Variants in NAV3 observed in about 807,000 individuals in gnomAD.
NAV3 encodes neuron navigator 3.
NAV3 carries 87 observed loss-of-function variants against 244.7 expected under a neutral mutation model. The observed-to-expected ratio is 0.36, with a 90% confidence interval of 0.30 to 0.42. The LOEUF (loss-of-function observed/expected upper bound fraction) is 0.42, where lower values mean the gene tolerates loss of function less well. Among genes scored for constraint, NAV3 ranks in the 20% least tolerant of loss-of-function variants. The probability of loss-of-function intolerance (pLI) is 1.00; values close to 1 mark genes in which losing one functional copy is unlikely to be tolerated. For synonymous variants in NAV3, 1,126 were observed against 1,042.2 expected, an observed-to-expected ratio of 1.08 and a Z score of -1.55; for missense variants, 2,663 against 2,893.3, an observed-to-expected ratio of 0.92 and a Z score of 1.83.
At position 78,211,233 on chromosome 12, in the gene NAV3, T is replaced by G. The variant is rs1279160742; in HGVS notation, c.*716T>G. ...CACCTGCCCACTCCCTTAACAAGAGTTTTATACCAATTATTAGTCAACACT... is the reference window on the plus strand; with the variant it reads ...CACCTGCCCACTCCCTTAACAAGAGGTTTATACCAATTATTAGTCAACACT... On this transcript the variant is annotated 3_prime_UTR_variant, in exon 40 of 40. Coordinates refer to ENST00000397909, the MANE Select transcript of NAV3 (RefSeq NM_001024383.2). The G allele has an allele frequency of 6.6e-6, 1 of 152,560 alleles. No homozygotes were observed. The highest frequency in any genetic ancestry group is 1.5e-5 in the Non-Finnish European group (1 of 68,030). 9.5% of individuals were successfully genotyped at this position (152,560 alleles called of 1,614,324 possible).
chr12:77,666,866 T>C (rs1873738710), intron 2 of NAV3, among the ~76,000 whole-genome samples: 1 of 152,284 alleles, frequency 6.6e-6, no homozygotes, highest in South Asian at 2.1e-4. Flanking sequence ...TGGAAGTAGA[T>C]TTTATGGATG....
intron 2 of NAV3, among the ~76,000 whole-genome samples, chr12:77,653,633 T>C (rs1872930468): frequency 6.6e-6 from 1 of 152,304 alleles, no homozygotes; most frequent in Admixed American, 6.5e-5. Context: ...AAGTATTGGA[T>C]CATTTTCTTG....
chr12:77,696,356 G>C (rs1875299575), intron 2 of NAV3, among the ~76,000 whole-genome samples: 1 of 152,154 alleles, frequency 6.6e-6, no homozygotes, highest in African/African-American at 2.4e-5. Context: ...ATGTTGGAGA[G>C]ACTCATGTGG....
chr12:78,003,913 G>A (rs1157020862), intron 7 of NAV3, among the ~76,000 whole-genome samples: 2 of 152,198 alleles, frequency 1.3e-5, no homozygotes, highest in Non-Finnish European at 2.9e-5. Context: ...CTTGTGTGAT[G>A]TTCTCCCCAT....
At chr12:77,959,912 C>CAAAAAAAAA (rs57550714) in intron 3 of NAV3, among the ~76,000 whole-genome samples, 4 of 64,706 alleles carry the variant, frequency 6.2e-5, no homozygotes, top group African/African-American at 1.9e-4. Flanking sequence ...CCTGACCCGA[C>CAAAAAAAAA]AAAAAAAAAA....
chr12:78,044,504 C>T (rs891818093), intron 9 of NAV3, among the ~76,000 whole-genome samples: 1 of 152,036 alleles, frequency 6.6e-6, no homozygotes, highest in African/African-American at 2.4e-5. Context: ...AGCATTGAAT[C>T]TCTAAATTAC....
intron 1 of NAV3, among the ~76,000 whole-genome samples, chr12:77,924,890 T>C (rs377322797): frequency 1.5e-4 from 23 of 152,102 alleles, no homozygotes; most frequent in East Asian, 1.4e-3. Flanking sequence ...ACATGTTTTC[T>C]ATTACAGTTA....
Position 77,652,151 on chromosome 12 carries a change from A to G in NAV3, c.72+79885A>G, listed in dbSNP as rs140112871. Reference sequence around the variant, plus strand: ...AGGTTGCTAACAGCAGTGAAACTGGAAGTACTCAGAACAGTATTTAACAAA... The same window carrying G: ...AGGTTGCTAACAGCAGTGAAACTGGGAGTACTCAGAACAGTATTTAACAAA... On this transcript the variant is annotated intron_variant, in intron 2 of 8. Coordinates refer to the NAV3 transcript ENST00000550042. 5.4e-3 allele frequency among the ~76,000 whole-genome samples: 815 copies of G among 152,330 alleles called. 8 individuals are homozygous for G. Among genetic ancestry groups the G allele is most frequent in the Middle Eastern group, 0.027 (8 of 294 alleles).
chr12:77,646,559 G>A (rs1592536331), intron 2 of NAV3, among the ~76,000 whole-genome samples: 1 of 152,202 alleles, frequency 6.6e-6, no homozygotes, highest in East Asian at 1.9e-4. Flanking sequence ...AGAAGAGCTT[G>A]AACAAAGTCT....
intron 2 of NAV3, among the ~76,000 whole-genome samples, chr12:77,780,236 A>T (rs1478000127): frequency 6.6e-6 from 1 of 152,122 alleles, no homozygotes; most frequent in East Asian, 1.9e-4. Flanking sequence ...CAAAGCCAGT[A>T]ATCCCGAGGA....
At chr12:78,205,514 C>T (rs1033830733) in intron 39 of NAV3, among the ~76,000 whole-genome samples, 1 of 151,900 alleles carries the variant, frequency 6.6e-6, no homozygotes, top group Non-Finnish European at 1.5e-5. Context: ...ATAATGTACT[C>T]ATGGAGAACT....
In NAV3 at chr12:77,880,876, G is replaced by T. The variant is rs898257091; in HGVS notation, c.243+49172G>T. On this transcript the variant is annotated intron_variant, in intron 1 of 39. Transcript: ENST00000397909. ...CTACACTCTATGATGTTCACAAAAT[G>T]ATGAAATCACCTAAGAAGGCGTTTC... Among the ~76,000 whole-genome samples, 8 of 152,156 alleles carry T rather than the reference G, an allele frequency of 5.3e-5. 1 individual carries two copies. Among genetic ancestry groups the T allele is most frequent in the Admixed American group, 5.2e-4 (8 of 15,264 alleles).
In NAV3 at chr12:78,122,259, A is replaced by G; in HGVS notation, c.4069A>G (p.Ser1357Gly). Reference protein sequence around the residue: ...AANMSSSSAGSKDTPSYQSMT... With the variant: ...AANMSSSSAGGKDTPSYQSMT... ...CAATATGAGCAGTTCCTCTGCAGGC[A>G]GCAAGGATACTCCGAGCTACCAGTC... Residue 1357 changes from serine (S) to glycine (G), a missense_variant, in exon 16 of 40, where the codon AGC becomes GGC. Physicochemically the swap from Ser to Gly is moderately conservative, Grantham distance 56 (BLOSUM62 0). Transcript: ENST00000397909. 1 of 1,614,174 alleles carries G rather than the reference A, an allele frequency of 6.2e-7. No individual in the cohort carries two copies. Among genetic ancestry groups the G allele is most frequent in the Non-Finnish European group, 8.5e-7 (1 of 1,180,026 alleles).
intron 2 of NAV3, among the ~76,000 whole-genome samples, chr12:77,685,473 G>T (rs10859191): frequency 2.3e-5 from 1 of 42,596 alleles, no homozygotes; most frequent in Non-Finnish European, 6.8e-5. Flanking sequence ...GCATACACAT[G>T]CACACACACA....
intron 20 of NAV3, among the ~76,000 whole-genome samples, chr12:78,142,225 A>T (rs1350713486): frequency 2.6e-5 from 4 of 152,086 alleles, no homozygotes; most frequent in Non-Finnish European, 5.9e-5. Context: ...GCACCCCATA[A>T]ATACATACAA....
At chr12:77,902,348 G>A (rs1200426710) in intron 1 of NAV3, among the ~76,000 whole-genome samples, 2 of 152,150 alleles carry the variant, frequency 1.3e-5, no homozygotes, top group African/African-American at 4.8e-5. Flanking sequence ...AACAGACCAT[G>A]ATTTTGAAAC....
chr12:78,037,883 C>A (rs1024687070), intron 9 of NAV3, among the ~76,000 whole-genome samples: 1 of 152,154 alleles, frequency 6.6e-6, no homozygotes, highest in Non-Finnish European at 1.5e-5. Flanking sequence ...CAGTGACAAG[C>A]CCTTTTTATT....
intron 22 of NAV3, among the ~76,000 whole-genome samples, chr12:78,155,480 A>T (rs1288216214): frequency 6.6e-6 from 1 of 152,084 alleles, no homozygotes; most frequent in Non-Finnish European, 1.5e-5. Flanking sequence ...CAGTGAACAT[A>T]ATGCATGCAG....
intron 1 of NAV3, among the ~76,000 whole-genome samples, chr12:77,928,654 T>G (rs573237101): frequency 2.0e-4 from 30 of 152,312 alleles, no homozygotes; most frequent in African/African-American, 7.0e-4. Context: ...ATTAAAAAAC[T>G]GCATGTAAAG....
Sources: gnomAD v4.1 joint callset for allele counts (sites outside exome capture counted in the v4.1 genomes callset) on GRCh38, gnomAD v4.1.1 for gene constraint, MANE v1.5 for transcripts, NCBI Gene and HGNC (gene_info 2026-07-23, HGNC 2026-07-21) for gene names.